The following POU6F2 variants were observed in gnomAD, a reference collection of about 807,000 sequenced individuals.
POU6F2 encodes POU class 6 homeobox 2, also known as POU domain, class 6, transcription factor 2.
POU6F2 carries 31 observed loss-of-function variants against 71.3 expected under a neutral mutation model. The ratio of observed to expected loss-of-function variants is 0.43; its 90% CI spans 0.33 to 0.59. POU6F2 has a LOEUF of 0.59. POU6F2 is among the 20% of genes least tolerant of loss of function. The probability of loss-of-function intolerance (pLI) is 0.04; values close to 1 mark genes in which losing one functional copy is unlikely to be tolerated. For synonymous variants in POU6F2, 347 were observed against 355.7 expected (o/e 0.98, Z 0.27); for missense variants, 783 against 856.8 (o/e 0.91, Z 1.07).
chr7:39,179,169 G>A (rs1464693529), intron 2 of POU6F2, among the ~76,000 whole-genome samples: 1 of 152,138 alleles, frequency 6.6e-6, no homozygotes, highest in African/African-American at 2.4e-5. Context: ...ATATCAAGAC[G>A]ATTGTCTTAA....
At chr7:39,151,357 T>G (rs1792755520) in intron 2 of POU6F2, among the ~76,000 whole-genome samples, 2 of 152,200 alleles carry the variant, frequency 1.3e-5, no homozygotes, top group African/African-American at 4.8e-5. Flanking sequence ...TCAGCATTGA[T>G]CAATAAATCA....
chr7:39,177,599 C>G (rs1172741942), intron 2 of POU6F2, among the ~76,000 whole-genome samples: 1 of 152,172 alleles, frequency 6.6e-6, no homozygotes, highest in African/African-American at 2.4e-5. Context: ...CTGGTAGTGT[C>G]CTTCTAAGCA....
intron 2 of POU6F2, among the ~76,000 whole-genome samples, chr7:39,090,425 G>C (rs1164714482): frequency 2.0e-5 from 3 of 152,128 alleles, no homozygotes; most frequent in African/African-American, 7.2e-5. Flanking sequence ...GGTCATTGCA[G>C]GGCATTATGG....
intron 1 of POU6F2, chr7:38,984,903 T>C (rs762597628): frequency 5.9e-5 from 9 of 152,138 alleles, no homozygotes; most frequent in Non-Finnish European, 1.3e-4. Flanking sequence ...TTAGCATTGA[T>C]CAGAACTCAG....
At chr7:39,200,580 C>T (rs56395837) in intron 2 of POU6F2, among the ~76,000 whole-genome samples, 56,711 of 152,024 alleles carry the variant, frequency 0.37, 10,909 homozygotes, top group South Asian at 0.49. Flanking sequence ...TTAGAGTCAG[C>T]GCACAGTGGC....
At position 39,209,590 on chromosome 7, in the gene POU6F2, A is replaced by G. The variant is rs931315875; in HGVS notation, c.598+1970A>G. Among the ~76,000 whole-genome samples, 33 of 152,328 alleles carry G rather than the reference A, an allele frequency of 2.2e-4. No homozygotes were observed. The East Asian group carries it at 3.9e-3, about 18-fold the overall frequency. On this transcript the variant is annotated intron_variant, in intron 4 of 9. Coordinates refer to ENST00000518318, the MANE Select transcript of POU6F2 (RefSeq NM_001370959.1). ...TAACCCAGAAAGAGGTGGTCATCCT[A>G]ACGAGAAGTTCAAGGGCAATAAGGA...
intron 7 of POU6F2, among the ~76,000 whole-genome samples, chr7:39,442,103 G>A (rs17171579): frequency 0.023 from 3,511 of 152,004 alleles, 130 homozygotes; most frequent in African/African-American, 0.081. Flanking sequence ...GACTATGCTT[G>A]GAAAATCCAG....
chr7:39,193,483 A>G (rs1010874635), intron 2 of POU6F2, among the ~76,000 whole-genome samples: 2 of 152,234 alleles, frequency 1.3e-5, no homozygotes, highest in African/African-American at 4.8e-5. Context: ...CATTTTATGT[A>G]TAATGTAGTG....
intron 5 of POU6F2, among the ~76,000 whole-genome samples, chr7:39,372,901 G>A (rs1011435648): frequency 4.0e-5 from 6 of 151,340 alleles, no homozygotes; most frequent in African/African-American, 1.5e-4. Context: ...GTAATAGTAA[G>A]GATAATAATA....
chr7:39,442,530 G>A (rs2237383), intron 7 of POU6F2, among the ~76,000 whole-genome samples: 50,617 of 152,010 alleles, frequency 0.33, 9,368 homozygotes, highest in East Asian at 0.58. Flanking sequence ...AGTCTCTGTC[G>A]ATCTTATCAT....
chr7:39,006,843 G>A (rs370067576), intron 1 of POU6F2: 1 of 1,613,568 alleles, frequency 6.2e-7, no homozygotes, highest in African/African-American at 1.3e-5. Context: ...CCAAGAGGAA[G>A]TGGCAAATGA....
chr7:39,434,007 T>A (rs1788170564), intron 7 of POU6F2, among the ~76,000 whole-genome samples: 1 of 152,206 alleles, frequency 6.6e-6, no homozygotes, highest in Non-Finnish European at 1.5e-5. Context: ...GACACAGATT[T>A]ATAAGCAGAA....
In POU6F2 at chr7:39,464,682, C is replaced by T. The variant is rs748083188; in HGVS notation, c.2159C>T (p.Ser720Phe). ...TTAACAGACTCTCTGGAAGAAAACTCCTAAAGAGATGCCCACCCATAATCA... is the reference window on the plus strand; with the variant it reads ...TTAACAGACTCTCTGGAAGAAAACTTCTAAAGAGATGCCCACCCATAATCA... ...EPLTDSLEEN[S>F] The change falls in exon 10 of 10, where the codon TCC becomes TTC. Residue 720 changes from serine (S) to phenylalanine (F), a missense_variant. By Grantham distance (155) the Ser-to-Phe change is radical. Around this residue, in one of 2 missense-constraint regions of POU6F2, gnomAD observed 211 missense variants for 283.9 expected, o/e 0.74. Coordinates refer to ENST00000518318, the MANE Select transcript of POU6F2 (RefSeq NM_001370959.1). The surrounding 1 kb of genome is among the most constrained non-coding windows in gnomAD (Gnocchi z 4.1). The T allele has an allele frequency of 2.3e-5, 37 of 1,597,096 alleles. No homozygotes were observed. The highest frequency in any genetic ancestry group is 2.6e-5 in the Non-Finnish European group (31 of 1,172,612).
intron 4 of POU6F2, among the ~76,000 whole-genome samples, chr7:39,237,109 G>T (rs1794688776): frequency 6.6e-6 from 1 of 152,134 alleles, no homozygotes; most frequent in Non-Finnish European, 1.5e-5. Flanking sequence ...TGCCTTGAGG[G>T]AAAACAGCCC....
At chr7:38,990,660 T>C (rs1369354704) in intron 1 of POU6F2, among the ~76,000 whole-genome samples, 3 of 152,260 alleles carry the variant, frequency 2.0e-5, no homozygotes, top group African/African-American at 7.2e-5. Context: ...GTTGTTCTTT[T>C]TCTTTTTTTG....
chr7:39,414,023 G>C (rs1039634130), intron 6 of POU6F2, among the ~76,000 whole-genome samples: 1 of 152,124 alleles, frequency 6.6e-6, no homozygotes, highest in African/African-American at 2.4e-5. Context: ...ACCCACCCGC[G>C]GGCGGAGCCA....
At chr7:39,077,413 G>A (rs989534916) in intron 1 of POU6F2, among the ~76,000 whole-genome samples, 1 of 152,238 alleles carries the variant, frequency 6.6e-6, no homozygotes, top group Non-Finnish European at 1.5e-5. Context: ...GCAAACTCCT[G>A]TCTGATTGAT....
At chr7:39,362,331 A>G (rs990745310) in intron 5 of POU6F2, among the ~76,000 whole-genome samples, 6 of 151,386 alleles carry the variant, frequency 4.0e-5, no homozygotes. Context: ...TTATTCTAGC[A>G]CATATAAGGA....
rs1420793104 is a variant in POU6F2 at position 39,351,212 on chromosome 7, C to T, written c.972+11197C>T. Among the ~76,000 whole-genome samples the T allele has an allele frequency of 5.3e-5, 8 of 152,096 alleles. No individual in the cohort carries two copies. The Middle Eastern group carries it at 0.01, about 194-fold the overall frequency. ...TTTGTTTATGCAAAATGCTTTTTGCCGTAAGTATTGATTGCATGAGTCAGC... is the reference window on the plus strand; with the variant it reads ...TTTGTTTATGCAAAATGCTTTTTGCTGTAAGTATTGATTGCATGAGTCAGC... On this transcript the variant is annotated intron_variant, in intron 5 of 9. Transcript: ENST00000518318.
Sources: allele counts gnomAD v4.1 joint callset (sites outside exome capture counted in the v4.1 genomes callset), GRCh38; gene constraint gnomAD v4.1.1; regional missense constraint gnomAD v4.1.1; non-coding constraint Gnocchi (gnomAD v3.1); transcripts MANE v1.5; gene names NCBI Gene and HGNC (gene_info 2026-07-23, HGNC 2026-07-21).